The following SCHIP1 variants were observed in gnomAD, a reference collection of about 807,000 sequenced individuals.
The protein encoded by SCHIP1 is schwannomin-interacting protein 1.
Under a neutral mutation model 29.7 loss-of-function variants are expected in SCHIP1, and 8 were observed. The observed-to-expected ratio is 0.27, with a 90% confidence interval of 0.16 to 0.49. The LOEUF (loss-of-function observed/expected upper bound fraction) is 0.49. SCHIP1 is among the 20% of genes least tolerant of loss of function. The probability of loss-of-function intolerance (pLI) is 0.99; values close to 1 mark genes in which losing one functional copy is unlikely to be tolerated. For missense variants in SCHIP1, 193 were observed against 294.6 expected (o/e 0.66, Z 2.52); for synonymous variants, 76 against 94.9 (o/e 0.80, Z 1.16).
the SCHIP1 span, among the ~76,000 whole-genome samples, chr3:159,474,862 T>C: frequency 1.3e-5 from 2 of 152,190 alleles, no homozygotes; most frequent in African/African-American, 4.8e-5. Flanking sequence ...TTTTGACAAT[T>C]ACTTTAAAAA....
At chr3:159,289,019 C>T in the SCHIP1 span, among the ~76,000 whole-genome samples, 1 of 152,134 alleles carries the variant, frequency 6.6e-6, no homozygotes, top group Admixed American at 6.6e-5. Flanking sequence ...ACCACTATTC[C>T]ATCTTTCCCA....
the SCHIP1 span, among the ~76,000 whole-genome samples, chr3:159,336,134 A>T: frequency 6.6e-6 from 1 of 152,154 alleles, no homozygotes; most frequent in Non-Finnish European, 1.5e-5. Context: ...TGGCTGCATA[A>T]ATGTCTTCTT....
the SCHIP1 span, among the ~76,000 whole-genome samples, chr3:159,693,639 C>T: frequency 2.0e-5 from 3 of 151,990 alleles, no homozygotes; most frequent in Non-Finnish European, 4.4e-5. Flanking sequence ...TTTGCATATC[C>T]CTGATTGTGA....
chr3:159,857,148 G>A (rs1458820732), intron 1 of SCHIP1, among the ~76,000 whole-genome samples: 1 of 152,192 alleles, frequency 6.6e-6, no homozygotes, highest in African/African-American at 2.4e-5. Flanking sequence ...AAAGCTTCCT[G>A]GCTCGTGGTT....
the SCHIP1 span, among the ~76,000 whole-genome samples, chr3:159,358,326 C>A: frequency 6.6e-6 from 1 of 152,200 alleles, no homozygotes; most frequent in Non-Finnish European, 1.5e-5. Flanking sequence ...GGGTATCTGG[C>A]CAGTCCCCAG....
the SCHIP1 span, among the ~76,000 whole-genome samples, chr3:159,434,206 A>G: frequency 6.6e-6 from 1 of 152,220 alleles, no homozygotes; most frequent in Non-Finnish European, 1.5e-5. Flanking sequence ...GCAAGAATAC[A>G]GCAATGACCT....
At chr3:159,840,457 A>AT (rs1744123732) in intron 1 of SCHIP1, among the ~76,000 whole-genome samples, 1 of 152,204 alleles carries the variant, frequency 6.6e-6, no homozygotes, top group African/African-American at 2.4e-5. Flanking sequence ...TGCTTTGCAT[A>AT]TTTTGTACGT....
chr3:159,366,324 C>T, the SCHIP1 span, among the ~76,000 whole-genome samples: 10 of 146,798 alleles, frequency 6.8e-5, no homozygotes, highest in African/African-American at 2.5e-4. Context: ...CACCCACCAC[C>T]AGGTGCCACC....
the SCHIP1 span, among the ~76,000 whole-genome samples, chr3:159,283,711 T>C: frequency 6.6e-6 from 1 of 152,214 alleles, no homozygotes; most frequent in Non-Finnish European, 1.5e-5. Flanking sequence ...AATCTCTTAA[T>C]AGTACTTCAG....
At chr3:159,484,637 A>G in the SCHIP1 span, among the ~76,000 whole-genome samples, 1 of 152,186 alleles carries the variant, frequency 6.6e-6, no homozygotes, top group Non-Finnish European at 1.5e-5. Flanking sequence ...AAGTCAAACG[A>G]GAAACTCTAT....
chr3:159,603,461 T>C, the SCHIP1 span, among the ~76,000 whole-genome samples: 3 of 141,136 alleles, frequency 2.1e-5, no homozygotes. Flanking sequence ...AATCCTGCCT[T>C]GTTGTTTCCA....
chr3:159,839,891 A>C (rs1328752789), exon 1 of SCHIP1: 1 of 1,389,864 alleles, frequency 7.2e-7, no homozygotes, highest in East Asian at 2.7e-5. Context: ...TAATTGGCTG[A>C]TTGTGCGGGT....
At chr3:159,882,126 T>C (rs1013629718) in intron 2 of SCHIP1, among the ~76,000 whole-genome samples, 1 of 152,186 alleles carries the variant, frequency 6.6e-6, no homozygotes, top group Non-Finnish European at 1.5e-5. Flanking sequence ...CAGGGTCACA[T>C]TACAGAGGAG....
chr3:159,691,454 A>G, the SCHIP1 span, among the ~76,000 whole-genome samples: 1 of 131,730 alleles, frequency 7.6e-6, no homozygotes, highest in Admixed American at 8.4e-5. Flanking sequence ...TTTGCTTGGT[A>G]AATATTCCTC....
At chr3:159,863,669 T>C (rs1364868548) in intron 1 of SCHIP1, among the ~76,000 whole-genome samples, 1 of 152,192 alleles carries the variant, frequency 6.6e-6, no homozygotes, top group East Asian at 1.9e-4. Flanking sequence ...AGTGGTGGGA[T>C]TATGAGTGAT....
the SCHIP1 span, among the ~76,000 whole-genome samples, chr3:159,722,878 A>G: frequency 6.6e-6 from 1 of 152,172 alleles, no homozygotes; most frequent in South Asian, 2.1e-4. Flanking sequence ...ATGTCTTCAT[A>G]TAGAAATCAT....
chr3:159,549,147 A>AC, the SCHIP1 span, among the ~76,000 whole-genome samples: 16 of 152,160 alleles, frequency 1.1e-4, no homozygotes, highest in Non-Finnish European at 1.6e-4. Context: ...GACTCATGCA[A>AC]TGCATGACCC....
chr3:159,621,687 C>A, the SCHIP1 span, among the ~76,000 whole-genome samples: 2 of 150,848 alleles, frequency 1.3e-5, no homozygotes, highest in Non-Finnish European at 2.9e-5. Context: ...TTTTTTGAGA[C>A]AGAGTTTCAG....
the SCHIP1 span, among the ~76,000 whole-genome samples, chr3:159,522,535 T>G: frequency 1.3e-5 from 2 of 152,274 alleles, no homozygotes; most frequent in East Asian, 3.9e-4. Context: ...ATAGATTAGA[T>G]GAATAAAGAA....
Sources: gnomAD v4.1 joint callset for allele counts (sites outside exome capture counted in the v4.1 genomes callset) on GRCh38, gnomAD v4.1.1 for gene constraint, MANE v1.5 for transcripts, NCBI Gene and HGNC (gene_info 2026-07-23, HGNC 2026-07-21) for gene names.